TSPAN12: variants seen among roughly 807,000 people sequenced by gnomAD.
TSPAN12 encodes tetraspanin-12.
TSPAN12 carries 19 observed loss-of-function variants against 39.2 expected under a neutral mutation model. The ratio of observed to expected loss-of-function variants is 0.49; its 90% CI spans 0.34 to 0.71. TSPAN12 has a LOEUF of 0.71. Among genes scored for constraint, TSPAN12 ranks in the 30% least tolerant of loss-of-function variants. TSPAN12 has a pLI of 0.01. For missense variants in TSPAN12, 314 were observed against 359.9 expected (o/e 0.87, Z 1.03); for synonymous variants, 119 against 124.8 (o/e 0.95, Z 0.31).
At chr7:120,822,595 G>A (rs1374691747) in intron 4 of TSPAN12, among the ~76,000 whole-genome samples, 1 of 152,104 alleles carries the variant, frequency 6.6e-6, no homozygotes, top group Admixed American at 6.6e-5. Context: ...GCAATAGTGG[G>A]AAAACCTGAT....
At chr7:120,843,792 C>G (rs1794621369) in intron 2 of TSPAN12, among the ~76,000 whole-genome samples, 1 of 152,208 alleles carries the variant, frequency 6.6e-6, no homozygotes, top group Non-Finnish European at 1.5e-5. Context: ...ACAGAGCTAG[C>G]AGAAGACTGT....
intron 4 of TSPAN12, among the ~76,000 whole-genome samples, chr7:120,834,214 T>C (rs753773092): frequency 2.6e-5 from 4 of 152,202 alleles, no homozygotes; most frequent in South Asian, 2.1e-4. Flanking sequence ...TTAGTATATG[T>C]ATATTCTAAA....
intron 2 of TSPAN12, among the ~76,000 whole-genome samples, chr7:120,848,126 T>C (rs1794707217): frequency 6.6e-6 from 1 of 152,210 alleles, no homozygotes; most frequent in Admixed American, 6.5e-5. Flanking sequence ...AGCTTTCCTG[T>C]TCTCATGTGC....
chr7:120,820,171 G>T (rs1794162512), intron 4 of TSPAN12, among the ~76,000 whole-genome samples: 2 of 152,040 alleles, frequency 1.3e-5, no homozygotes, highest in African/African-American at 4.8e-5. Context: ...CTCCTAGTGG[G>T]TTTTCTTTCT....
Position 120,788,770 on chromosome 7 carries a change from G to A in TSPAN12, c.740C>T (p.Ala247Val). ...CGGCTCCCTTCTATCATAATACAGAGCCCAGAGCAGAGTAATGGTGAGAAT... is the reference window on the plus strand; with the variant it reads ...CGGCTCCCTTCTATCATAATACAGAACCCAGAGCAGAGTAATGGTGAGAAT... Reference protein sequence around the residue: ...AMILTITLLWALYYDRREPGT... With the variant: ...AMILTITLLWVLYYDRREPGT... Residue 247 changes from alanine (A) to valine (V), a missense_variant, in exon 8 of 8, where the codon GCT becomes GTT. By Grantham distance (64) the Ala-to-Val change is moderately conservative. Coordinates refer to ENST00000222747, the MANE Select transcript of TSPAN12 (RefSeq NM_012338.4). 1.2e-6 allele frequency: 2 copies of A among 1,614,052 alleles called. No individual in the cohort carries two copies. The highest frequency in any genetic ancestry group is 1.7e-6 in the Non-Finnish European group (2 of 1,180,008).
chr7:120,856,713 G>A lies in TSPAN12; in HGVS notation c.51C>T (p.Leu17=). ...VKCLRCLLYA[L]NLLFWLMSIS... ...ACTTACTTACCCAAAAGAGCAGATT[G>A]AGGGCGTAGAGCAGGCAGCGCAGAC... The change falls in exon 2 of 8, where the codon CTC becomes CTT. Residue 17 remains leucine (L), a synonymous_variant. Transcript: ENST00000222747. The A allele has an allele frequency of 6.2e-7, 1 of 1,614,232 alleles. No individual in the cohort carries two copies.
intron 4 of TSPAN12, among the ~76,000 whole-genome samples, chr7:120,837,332 G>C (rs1354738467): frequency 7.1e-6 from 1 of 140,846 alleles, no homozygotes; most frequent in African/African-American, 2.7e-5. Flanking sequence ...TTTTTTTTGA[G>C]ATGGAGTCTT....
intron 5 of TSPAN12, among the ~76,000 whole-genome samples, chr7:120,814,803 A>G (rs1178980713): frequency 6.6e-6 from 1 of 152,190 alleles, no homozygotes; most frequent in East Asian, 1.9e-4. Context: ...TAAAAAAATG[A>G]TGAATAGCTA....
intron 4 of TSPAN12, among the ~76,000 whole-genome samples, chr7:120,830,655 T>C (rs1448038869): frequency 1.3e-5 from 2 of 152,098 alleles, no homozygotes; most frequent in Non-Finnish European, 2.9e-5. Flanking sequence ...AAAAATGTTT[T>C]AAAGATTTAA....
intron 2 of TSPAN12, among the ~76,000 whole-genome samples, chr7:120,849,419 T>C (rs973542062): frequency 6.6e-6 from 1 of 152,240 alleles, no homozygotes; most frequent in Non-Finnish European, 1.5e-5. Flanking sequence ...TGTGTACCTA[T>C]AATTTCCATA....
chr7:120,806,410 T>G, intron 7 of TSPAN12, 139 bp downstream of exon 7: 1 of 769,342 alleles, frequency 1.3e-6, no homozygotes, highest in Middle Eastern at 3.8e-4. Context: ...TTCTTCTGCT[T>G]CTCCCCATAT....
chr7:120,855,446 C>T (rs1162461652), intron 2 of TSPAN12, among the ~76,000 whole-genome samples: 1 of 152,150 alleles, frequency 6.6e-6, no homozygotes, highest in East Asian at 1.9e-4. Context: ...AATTATCATA[C>T]ATCTTAAAGA....
At chr7:120,802,296 C>A (rs1793789389) in intron 7 of TSPAN12, among the ~76,000 whole-genome samples, 2 of 152,158 alleles carry the variant, frequency 1.3e-5, no homozygotes. Context: ...AAGGGTGGGC[C>A]TTTATACTTG....
chr7:120,806,541 G>A lies in TSPAN12; in HGVS notation c.612+8C>T, dbSNP rs1292879273. 1.9e-6 allele frequency: 3 copies of A among 1,612,588 alleles called. No individual in the cohort carries two copies. Among genetic ancestry groups the A allele is most frequent in the African/African-American group, 2.7e-5 (2 of 74,790 alleles). ...TATCCATAATAAATTAACCATATATGGCCTCACCTCTTGATAAAGGTCACT... is the reference window on the plus strand; with the variant it reads ...TATCCATAATAAATTAACCATATATAGCCTCACCTCTTGATAAAGGTCACT... On this transcript the variant is annotated splice_region_variant and intron_variant, in intron 7 of 7. Coordinates refer to ENST00000222747, the MANE Select transcript of TSPAN12 (RefSeq NM_012338.4).
intron 7 of TSPAN12, among the ~76,000 whole-genome samples, chr7:120,799,546 ATATATAT>A (rs1205301372): frequency 9.6e-6 from 1 of 103,738 alleles, no homozygotes; most frequent in Non-Finnish European, 1.8e-5. Context: ...ATATATAATT[ATATATAT>A]AATTAAATAT....
rs374233041 is a variant in TSPAN12 at position 120,824,957 on chromosome 7, C to T, written c.286-9154G>A. ...TACTCTCTACATGTAAAACTTAACA[C>T]CCTCATTCCTTTCAACTTTACAAAG... is the stretch of plus-strand genomic sequence containing the variant. On this transcript the variant is annotated intron_variant, in intron 4 of 7. Transcript: ENST00000222747. Among the ~76,000 whole-genome samples, 146 of 152,212 alleles carry T rather than the reference C, an allele frequency of 9.6e-4. No homozygotes were observed. The Middle Eastern group carries it at 0.01, about 11-fold the overall frequency.
At chr7:120,853,338 T>C (rs117383012) in intron 2 of TSPAN12, among the ~76,000 whole-genome samples, 4,082 of 151,656 alleles carry the variant, frequency 0.027, 74 homozygotes, top group Non-Finnish European at 0.043. Flanking sequence ...ATTAACCACC[T>C]GCCTTGGCCT....
intron 2 of TSPAN12, among the ~76,000 whole-genome samples, chr7:120,855,358 T>A (rs1373125966): frequency 6.6e-6 from 1 of 152,200 alleles, no homozygotes; most frequent in Non-Finnish European, 1.5e-5. Flanking sequence ...TTAAAGCTCC[T>A]TTTAGAAGTG....
chr7:120,822,659 T>C (rs912297394), intron 4 of TSPAN12, among the ~76,000 whole-genome samples: 1 of 151,934 alleles, frequency 6.6e-6, no homozygotes, highest in Non-Finnish European at 1.5e-5. Flanking sequence ...GAGGTGGGGA[T>C]AAAGAGAGAA....
Sources: allele counts gnomAD v4.1 joint callset (sites outside exome capture counted in the v4.1 genomes callset), GRCh38; gene constraint gnomAD v4.1.1; transcripts MANE v1.5; gene names NCBI Gene and HGNC (gene_info 2026-07-23, HGNC 2026-07-21).